Variants in ARHGEF28 observed in about 807,000 individuals in gnomAD.
The protein encoded by ARHGEF28 is Rho guanine nucleotide exchange factor 28.
ARHGEF28 carries 152 observed loss-of-function variants against 206.6 expected under a neutral mutation model. The ratio of observed to expected loss-of-function variants is 0.74; its 90% confidence interval spans 0.64 to 0.84. The LOEUF (loss-of-function observed/expected upper bound fraction) is 0.84. Ranked by LOEUF, ARHGEF28 falls within the 40% of genes least tolerant of loss-of-function variation. ARHGEF28 has a pLI of 0.00. For missense variants in ARHGEF28, 2,028 were observed against 2,073.2 expected, an observed-to-expected ratio of 0.98 and a Z score of 0.42; for synonymous variants, 763 against 776.4, an observed-to-expected ratio of 0.98 and a Z score of 0.29.
At chr5:73,923,409 G>A (rs1360557191) in intron 35 of ARHGEF28, among the ~76,000 whole-genome samples, 6 of 152,108 alleles carry the variant, frequency 3.9e-5, no homozygotes, top group Non-Finnish European at 7.3e-5. Flanking sequence ...GGCTGGAAGC[G>A]AACAAAGTAC....
chr5:73,651,602 G>T (rs1744837000), intron 1 of ARHGEF28, among the ~76,000 whole-genome samples: 1 of 152,128 alleles, frequency 6.6e-6, no homozygotes, highest in Non-Finnish European at 1.5e-5. Flanking sequence ...GTTATTTCTT[G>T]TGAACACAAT....
intron 2 of ARHGEF28, among the ~76,000 whole-genome samples, chr5:73,746,219 TAA>T (rs1399604158): frequency 6.6e-6 from 1 of 152,086 alleles, no homozygotes; most frequent in Non-Finnish European, 1.5e-5. Context: ...AAAAATTACT[TAA>T]AATGTTTATA....
chr5:73,903,235 T>G (rs1377519435), intron 31 of ARHGEF28: 1 of 152,224 alleles, frequency 6.6e-6, no homozygotes, highest in African/African-American at 2.4e-5. Flanking sequence ...TAAAATTAGA[T>G]GAGACAGTAG....
chr5:73,658,921 G>A (rs938220870), intron 1 of ARHGEF28, among the ~76,000 whole-genome samples: 1 of 146,746 alleles, frequency 6.8e-6, no homozygotes. Flanking sequence ...TAATATAAAT[G>A]TATAGACCAC....
chr5:73,931,998 T>C (rs1428769825), intron 35 of ARHGEF28, among the ~76,000 whole-genome samples: 6 of 152,202 alleles, frequency 3.9e-5, no homozygotes. Context: ...CACCTTGAAA[T>C]ACCTTAAAAA....
chr5:73,911,250 A>G (rs1762884493), intron 34 of ARHGEF28, 25 bp from the exon 35 acceptor site: 1 of 1,533,656 alleles, frequency 6.5e-7, no homozygotes, highest in South Asian at 1.2e-5. Flanking sequence ...AAATTATTGT[A>G]CTTTTCCTCT....
intron 35 of ARHGEF28, among the ~76,000 whole-genome samples, chr5:73,921,407 T>C (rs922221950): frequency 6.6e-6 from 1 of 152,212 alleles, no homozygotes; most frequent in Non-Finnish European, 1.5e-5. Context: ...AGATGTTAAT[T>C]TGCCACGATA....
chr5:73,757,764 T>C (rs1397568408), intron 4 of ARHGEF28, among the ~76,000 whole-genome samples: 2 of 152,234 alleles, frequency 1.3e-5, no homozygotes, highest in Non-Finnish European at 2.9e-5. Flanking sequence ...ATTCCTTTTA[T>C]GAAATAGCAT....
intron 7 of ARHGEF28, among the ~76,000 whole-genome samples, chr5:73,787,960 A>G (rs974162882): frequency 6.6e-6 from 1 of 152,214 alleles, no homozygotes; most frequent in Admixed American, 6.5e-5. Flanking sequence ...AAAGGATTAA[A>G]GAATCATAGT....
intron 2 of ARHGEF28, among the ~76,000 whole-genome samples, chr5:73,740,280 A>G (rs1446970587): frequency 6.6e-6 from 1 of 152,206 alleles, no homozygotes; most frequent in Admixed American, 6.5e-5. Context: ...ATATTGAAGC[A>G]ATTAATCAAT....
intron 2 of ARHGEF28, among the ~76,000 whole-genome samples, chr5:73,697,688 C>T (rs1483376605): frequency 6.6e-6 from 1 of 152,122 alleles, no homozygotes; most frequent in Non-Finnish European, 1.5e-5. Flanking sequence ...CTCTTAAAGG[C>T]CCTACCTCTC....
At chr5:73,693,256 C>G (rs1245335206) in intron 2 of ARHGEF28, among the ~76,000 whole-genome samples, 1 of 152,184 alleles carries the variant, frequency 6.6e-6, no homozygotes, top group Non-Finnish European at 1.5e-5. Context: ...TGACCAAGTA[C>G]TCAAAGGCAC....
chr5:73,879,933 G>A (rs1338171189), intron 22 of ARHGEF28, among the ~76,000 whole-genome samples: 1 of 152,162 alleles, frequency 6.6e-6, no homozygotes. Context: ...GCTGTGTGCT[G>A]GGAGAACCAC....
At position 73,638,250 on chromosome 5, in the gene ARHGEF28, A is replaced by G. The variant is rs556549371; in HGVS notation, c.-12+11928A>G. 1.9e-3 allele frequency among the ~76,000 whole-genome samples: 292 copies of G among 152,368 alleles called. 2 individuals carry two copies. Among genetic ancestry groups the G allele is most frequent in the Middle Eastern group, 0.01 (3 of 294 alleles). ...ACTCAAATATTATCAAACAGAAAAG[A>G]TGATTCCTTTATATTCCAGTTTGTT... On this transcript the variant is annotated intron_variant, in intron 1 of 35. Coordinates refer to ENST00000513042, the MANE Select transcript of ARHGEF28 (RefSeq NM_001177693.2).
chr5:73,813,440 C>G, intron 9 of ARHGEF28: 2 of 1,408,798 alleles, frequency 1.4e-6, no homozygotes, highest in Non-Finnish European at 1.9e-6. Context: ...CATTTATTGC[C>G]TTTCCCTCCC....
chr5:73,822,750 G>A (rs1756674878), intron 9 of ARHGEF28, among the ~76,000 whole-genome samples: 2 of 152,084 alleles, frequency 1.3e-5, no homozygotes, highest in African/African-American at 4.8e-5. Context: ...AGCCTCCTGA[G>A]TAGCTTGCGT....
chr5:73,893,208 A>G lies in ARHGEF28; in HGVS notation c.3578A>G (p.Glu1193Gly), dbSNP rs760776616. The G allele has an allele frequency of 1.1e-5, 17 of 1,547,660 alleles. No homozygotes were observed. Among genetic ancestry groups the G allele is most frequent in the Non-Finnish European group, 1.3e-5 (15 of 1,145,992 alleles). ...IQQAVESCPEEKGGRTSESDE... is the reference protein window; with the variant it reads ...IQQAVESCPEGKGGRTSESDE... Reference sequence around the variant, plus strand: ...ATTGTCTTTTAAAGTTGTCCTGAAGAAAAAGGGGGAAGGACAAGTGAATCT... The same window carrying G: ...ATTGTCTTTTAAAGTTGTCCTGAAGGAAAAGGGGGAAGGACAAGTGAATCT... The change falls in exon 28 of 36, where the codon GAA (glutamate) becomes GGA (glycine). Residue 1193 changes from glutamate (E) to glycine (G), a missense_variant. Coordinates refer to ENST00000513042, the MANE Select transcript of ARHGEF28 (RefSeq NM_001177693.2).
intron 33 of ARHGEF28, chr5:73,908,501 C>G (rs780494559): frequency 1.6e-4 from 25 of 152,170 alleles, no homozygotes; most frequent in Non-Finnish European, 3.2e-4. Flanking sequence ...CTGCTTTGCA[C>G]TCTAAATGGG....
intron 2 of ARHGEF28, among the ~76,000 whole-genome samples, chr5:73,714,180 C>T (rs188440172): frequency 1.9e-3 from 283 of 152,164 alleles, no homozygotes; most frequent in African/African-American, 6.6e-3. Flanking sequence ...AGTTAATTAT[C>T]GTTATTATCA....
Sources: allele counts gnomAD v4.1 joint callset (sites outside exome capture counted in the v4.1 genomes callset), GRCh38; gene constraint gnomAD v4.1.1; transcripts MANE v1.5; gene names NCBI Gene and HGNC (gene_info 2026-07-23, HGNC 2026-07-21).